DOCK2: variants seen among roughly 807,000 people sequenced by gnomAD.
DOCK2 encodes the protein dedicator of cytokinesis 2.
In DOCK2, 87 loss-of-function variants were observed where a neutral mutation model predicts 248.9. That is an observed-to-expected ratio of 0.35 (90% CI 0.29 to 0.42). The LOEUF is 0.42. Ranked by LOEUF, DOCK2 falls within the 10% of genes least tolerant of loss-of-function variation. DOCK2 has a pLI of 1.00. For missense variants in DOCK2, 1,747 were observed against 2,300.2 expected (o/e 0.76, Z 4.92); for synonymous variants, 805 against 821.6 (o/e 0.98, Z 0.35).
At chr5:169,768,280 A>G (rs138579841) in intron 25 of DOCK2, among the ~76,000 whole-genome samples, 2 of 152,364 alleles carry the variant, frequency 1.3e-5, no homozygotes, top group Non-Finnish European at 1.5e-5. Flanking sequence ...CACATGCAAT[A>G]TTTGATGAGC....
At chr5:169,859,064 C>A (rs9688166) in intron 27 of DOCK2, among the ~76,000 whole-genome samples, 2 of 151,874 alleles carry the variant, frequency 1.3e-5, no homozygotes, top group African/African-American at 4.8e-5. Flanking sequence ...TGTGGGGAGA[C>A]CTGTTGGGGA....
intron 27 of DOCK2, among the ~76,000 whole-genome samples, chr5:169,967,048 ATGTGCCAGGCAC>A (rs1777327712): frequency 6.6e-6 from 1 of 152,358 alleles, no homozygotes; most frequent in South Asian, 2.1e-4. Flanking sequence ...AGTACCTCCT[ATGTGCCAGGCAC>A]TGTGCCAGGT....
intron 2 of DOCK2, among the ~76,000 whole-genome samples, chr5:169,666,189 C>T (rs778124541): frequency 6.6e-5 from 10 of 152,076 alleles, no homozygotes; most frequent in Non-Finnish European, 1.3e-4. Flanking sequence ...TCTCACATGG[C>T]AGAGAGCAAA....
At chr5:169,993,853 A>C (rs1778270011) in intron 29 of DOCK2, among the ~76,000 whole-genome samples, 2 of 151,870 alleles carry the variant, frequency 1.3e-5, no homozygotes, top group Non-Finnish European at 2.9e-5. Flanking sequence ...AGCAACTTTC[A>C]ATCAGTGAGG....
At chr5:170,031,473 C>T (rs1485520909) in intron 34 of DOCK2, among the ~76,000 whole-genome samples, 3 of 152,264 alleles carry the variant, frequency 2.0e-5, no homozygotes, top group Non-Finnish European at 2.9e-5. Context: ...CATTCCACTG[C>T]GTGAGGAATT....
chr5:169,946,654 G>A (rs989698184), intron 27 of DOCK2, among the ~76,000 whole-genome samples: 5 of 152,198 alleles, frequency 3.3e-5, no homozygotes, highest in African/African-American at 4.8e-5. Flanking sequence ...GAATAAGATA[G>A]GCCAGTTCCT....
At chr5:169,886,319 A>G (rs1772968752) in intron 27 of DOCK2, among the ~76,000 whole-genome samples, 1 of 152,192 alleles carries the variant, frequency 6.6e-6, no homozygotes, top group Non-Finnish European at 1.5e-5. Context: ...AGATGAACCT[A>G]CTGGTCCCGA....
intron 44 of DOCK2, among the ~76,000 whole-genome samples, chr5:170,066,231 G>C (rs114128145): frequency 3.9e-5 from 6 of 152,112 alleles, no homozygotes; most frequent in Non-Finnish European, 8.8e-5. Context: ...CTTTTAAAAA[G>C]AGAGTAGGGG....
At position 169,754,249 on chromosome 5, in the gene DOCK2, C is replaced by T. The variant is rs115252760; in HGVS notation, c.2377-5456C>T. ...TTTGTTGTTATGTTTAAACACTTGC[C>T]GTTTTCTAATTCTGGTGAAGTCCAT... On this transcript the variant is annotated intron_variant, in intron 23 of 51. Coordinates refer to ENST00000520908, the MANE Select transcript of DOCK2 (RefSeq NM_004946.3). Among the ~76,000 whole-genome samples the T allele has an allele frequency of 9.0e-3, 1,374 of 152,240 alleles. 26 individuals carry two copies. Among genetic ancestry groups the T allele is most frequent in the African/African-American group, 0.031 (1,302 of 41,550 alleles).
At chr5:169,898,533 ACAACAAC>A (rs2113568454) in intron 27 of DOCK2, among the ~76,000 whole-genome samples, 1 of 86,450 alleles carries the variant, frequency 1.2e-5, no homozygotes, top group African/African-American at 1.5e-4. Flanking sequence ...ACACAAAACA[ACAACAAC>A]AACAACAACA....
At chr5:169,727,385 A>G (rs911994572) in intron 22 of DOCK2, among the ~76,000 whole-genome samples, 1 of 152,140 alleles carries the variant, frequency 6.6e-6, no homozygotes, top group Non-Finnish European at 1.5e-5. Flanking sequence ...TCTGACACTC[A>G]AGCTGAGGTT....
chr5:169,894,663 C>T (rs1399792511), intron 27 of DOCK2, among the ~76,000 whole-genome samples: 3 of 152,162 alleles, frequency 2.0e-5, no homozygotes, highest in South Asian at 2.1e-4. Context: ...TTAAAGAGCC[C>T]ACTCTTCATT....
chr5:169,998,364 A>T (rs1754720910), intron 30 of DOCK2, among the ~76,000 whole-genome samples: 1 of 152,212 alleles, frequency 6.6e-6, no homozygotes, highest in Non-Finnish European at 1.5e-5. Context: ...CCAGCCTATG[A>T]GTAGATGAGT....
intron 6 of DOCK2, among the ~76,000 whole-genome samples, chr5:169,678,598 A>C (rs1320374473): frequency 6.6e-6 from 1 of 152,070 alleles, no homozygotes; most frequent in Non-Finnish European, 1.5e-5. Context: ...TGAAGCTGAG[A>C]TCCTCGGTTA....
chr5:170,005,774 A>T (rs1229882262), intron 30 of DOCK2, among the ~76,000 whole-genome samples: 1 of 152,114 alleles, frequency 6.6e-6, no homozygotes, highest in African/African-American at 2.4e-5. Flanking sequence ...CAGGAATGGG[A>T]TGACAGAGAA....
intron 41 of DOCK2, among the ~76,000 whole-genome samples, chr5:170,052,729 T>A (rs6865183): frequency 0.069 from 10,435 of 152,280 alleles, 887 homozygotes; most frequent in African/African-American, 0.2. Context: ...CAGCATTCTC[T>A]TTATTAACTG....
intron 46 of DOCK2, among the ~76,000 whole-genome samples, chr5:170,073,043 A>G (rs2113872487): frequency 6.6e-6 from 1 of 152,272 alleles, no homozygotes; most frequent in Non-Finnish European, 1.5e-5. Flanking sequence ...TTTTTAAATG[A>G]TTAGTGCTTT....
At position 169,841,284 on chromosome 5, in the gene DOCK2, T is replaced by C. The variant is rs940223906; in HGVS notation, c.2799+432T>C. ...ATTGCGTGTTAATTCTGCCCATAGATGCTGGTTATTCAAGGTCATTACTAC... is the reference window on the plus strand; with the variant it reads ...ATTGCGTGTTAATTCTGCCCATAGACGCTGGTTATTCAAGGTCATTACTAC... On this transcript the variant is annotated intron_variant, in intron 27 of 51. Transcript: ENST00000520908. The C allele has an allele frequency of 1.2e-5, 12 of 973,060 alleles. No individual in the cohort carries two copies. In the South Asian group the frequency reaches 4.7e-4, roughly 38 times the overall value. The allele number at this position is 973,060 out of a possible 1,614,324, so 60.3% of individuals were successfully genotyped here.
At chr5:170,059,372 TTC>T (rs1330902092) in intron 44 of DOCK2, among the ~76,000 whole-genome samples, 2 of 152,104 alleles carry the variant, frequency 1.3e-5, no homozygotes, top group African/African-American at 4.8e-5. Context: ...ATCAGAAACT[TTC>T]TGTCAATCTG....
Sources: allele counts gnomAD v4.1 joint callset (sites outside exome capture counted in the v4.1 genomes callset), GRCh38; gene constraint gnomAD v4.1.1; transcripts MANE v1.5; gene names NCBI Gene and HGNC (gene_info 2026-07-23, HGNC 2026-07-21).